The following PTPN21 variants were observed in gnomAD, a reference collection of about 807,000 sequenced individuals.
The protein encoded by PTPN21 is tyrosine-protein phosphatase non-receptor type 21.
In PTPN21, 77 loss-of-function variants were observed where a neutral mutation model predicts 131.8. The observed-to-expected ratio is 0.58, with a 90% confidence interval of 0.49 to 0.71. PTPN21 has a LOEUF of 0.71. Among genes scored for constraint, PTPN21 ranks in the 30% least tolerant of loss-of-function variants. The pLI, the probability that PTPN21 is intolerant of heterozygous loss-of-function variation, is 0.00. For missense variants in PTPN21, 1,552 were observed against 1,527.1 expected (o/e 1.02, Z -0.27); for synonymous variants, 715 against 621.3 (o/e 1.15, Z -2.24).
At chr14:88,513,524 C>A (rs946079976) in intron 3 of PTPN21, 4 of 152,202 alleles carry the variant, frequency 2.6e-5, no homozygotes, top group African/African-American at 9.7e-5. Context: ...AGTATCATAG[C>A]CAGTGAGGTT....
rs753997654 is a variant in PTPN21 at position 88,472,469 on chromosome 14, T to G, written c.2650-4A>C. On this transcript the variant is annotated splice_region_variant and splice_polypyrimidine_tract_variant and intron_variant, in intron 14 of 18. Transcript: ENST00000556564. ...ATCGTTGTTCCAGAATTTTACACTA[T>G]AAAACAGAATATGTGTAATAACATG... The G allele has an allele frequency of 6.4e-7, 1 of 1,556,802 alleles. No individual in the cohort carries two copies. Among genetic ancestry groups the G allele is most frequent in the Non-Finnish European group, 8.9e-7 (1 of 1,128,624 alleles).
rs2078805027 is a variant in PTPN21, at chr14:88,547,801, T to C, written c.180+2437A>G. 4 of 379,038 alleles carry C rather than the reference T, an allele frequency of 1.1e-5. No homozygotes were observed. In the Admixed American group the frequency reaches 1.2e-4, roughly 12 times the overall value. 23.5% of individuals were successfully genotyped at this position (379,038 alleles called of 1,614,324 possible). On this transcript the variant is annotated intron_variant, in intron 2 of 18. Coordinates refer to ENST00000556564, the MANE Select transcript of PTPN21 (RefSeq NM_007039.4). The stretch of plus-strand genomic sequence containing the variant: ...CCATGAGGGGTCTGCGATGTCCTCT[T>C]TTTCTCCCCTGGAGAGCCTCATACC...
intron 15 of PTPN21, among the ~76,000 whole-genome samples, chr14:88,471,305 A>G (rs925177772): frequency 3.3e-5 from 5 of 152,224 alleles, no homozygotes; most frequent in African/African-American, 1.2e-4. Flanking sequence ...CCCAAAATAA[A>G]GAATTGAATG....
chr14:88,530,872 C>T (rs148392090), intron 2 of PTPN21, among the ~76,000 whole-genome samples: 1,929 of 152,206 alleles, frequency 0.013, 30 homozygotes, highest in African/African-American at 0.042. Context: ...CAGCACTAGA[C>T]AGGTCATCAA....
Position 88,507,989 on chromosome 14 carries a change from T to C in PTPN21, c.382A>G (p.Ile128Val), listed in dbSNP as rs1370254840. ...GTACAAGGAATACTTCCTTCCAAGA[T>C]ATCTTTCTTCAGTTGCAGATAATAC... is the stretch of plus-strand genomic sequence containing the variant. Reference protein sequence around the residue: ...YQYYLQLKKDILEGSIPCTLE... With the variant: ...YQYYLQLKKDVLEGSIPCTLE... Residue 128 changes from isoleucine to valine, a missense_variant, in exon 4 of 19, where the codon ATC (isoleucine) becomes GTC (valine). By Grantham distance (29) the Ile-to-Val change is conservative (BLOSUM62 3). Around this residue, in one of 4 missense-constraint regions of PTPN21, gnomAD observed 206 missense variants for 221.6 expected, o/e 0.93. Coordinates refer to ENST00000556564, the MANE Select transcript of PTPN21 (RefSeq NM_007039.4). 3.7e-6 allele frequency: 6 copies of C among 1,606,358 alleles called. No individual in the cohort carries two copies. Among genetic ancestry groups the C allele is most frequent in the African/African-American group, 2.7e-5 (2 of 74,740 alleles).
At chr14:88,504,537 C>A in intron 5 of PTPN21, 42 bp from the exon 6 acceptor site, 1 of 1,506,806 alleles carries the variant, frequency 6.6e-7, no homozygotes, top group Non-Finnish European at 9.2e-7. Flanking sequence ...CAATTCACCC[C>A]AATTTCTTAG....
In PTPN21 at chr14:88,496,415, G is replaced by T. The variant is rs369873448; in HGVS notation, c.930C>A (p.Asn310Lys). 1.2e-6 allele frequency: 2 copies of T among 1,608,138 alleles called. No individual in the cohort carries two copies. Among genetic ancestry groups the T allele is most frequent in the South Asian group, 2.2e-5 (2 of 90,908 alleles). Residue 310 changes from asparagine (N) to lysine (K), a missense_variant and splice_region_variant, in exon 10 of 19, where the codon AAC (asparagine) becomes AAA (lysine). Physicochemically the swap from Asn to Lys is moderately conservative, Grantham distance 94 (BLOSUM62 0). This residue lies in a region of PTPN21 where 1,016 missense variants were observed against 883.5 expected (regional missense o/e 1.15). Coordinates refer to ENST00000556564, the MANE Select transcript of PTPN21 (RefSeq NM_007039.4). ...TTCCATGAGCAGGACATACTTACAG[G>T]TTACACTGGTTTAGTCTGTAAAACT... ...RHKFYRLNQC[N>K]LQTQTVTVNP...
At chr14:88,549,111 T>C (rs1187643272) in intron 2 of PTPN21, among the ~76,000 whole-genome samples, 2 of 152,148 alleles carry the variant, frequency 1.3e-5, no homozygotes, top group Non-Finnish European at 2.9e-5. Context: ...TGTAAGAATA[T>C]AGTCAATGAA....
intron 12 of PTPN21, among the ~76,000 whole-genome samples, chr14:88,482,696 AG>A (rs2077670031): frequency 6.6e-6 from 1 of 152,082 alleles, no homozygotes; most frequent in Non-Finnish European, 1.5e-5. Context: ...AAAAAGCCAC[AG>A]GACAGACCTG....
chr14:88,485,093 G>C lies in PTPN21; in HGVS notation c.1061C>G (p.Pro354Arg). The change falls in exon 12 of 19, where the codon CCA becomes CGA. Residue 354 changes from proline (P) to arginine (R), a missense_variant. Around this residue, in one of 4 missense-constraint regions of PTPN21, gnomAD observed 1,016 missense variants for 883.5 expected, o/e 1.15. Transcript: ENST00000556564. Reference sequence around the variant, plus strand: ...TACTTTACCTTGGGAAGAAGCATATGGTTCTGTATAATGTCCATTATAGTG... The same window carrying C: ...TACTTTACCTTGGGAAGAAGCATATCGTTCTGTATAATGTCCATTATAGTG... ...QLHYNGHYTE[P>R]YASSQDNLFV... 2 of 1,602,546 alleles carry C rather than the reference G, an allele frequency of 1.2e-6. No individual in the cohort carries two copies. The highest frequency in any genetic ancestry group is 1.3e-5 in the African/African-American group (1 of 74,702).
At position 88,466,298 on chromosome 14, in the gene PTPN21, G is replaced by A. The variant is rs1023642338; in HGVS notation, c.*1839C>T. ...AATAAAAATGTAAAATTTTAATTTT[G>A]TTCCTACATGAGAAGTGTGCGTACT... On this transcript the variant is annotated 3_prime_UTR_variant, in exon 19 of 19. Coordinates refer to ENST00000556564, the MANE Select transcript of PTPN21 (RefSeq NM_007039.4). 2 of 152,070 alleles carry A rather than the reference G, an allele frequency of 1.3e-5. No homozygotes were observed. The highest frequency in any genetic ancestry group is 6.5e-5 in the Admixed American group (1 of 15,278). 9.4% of individuals were successfully genotyped at this position (152,070 alleles called of 1,614,324 possible). A position where few individuals can be genotyped will look rare whatever the true frequency, so the allele number is the denominator to read the frequency against.
intron 2 of PTPN21, 77 bp from the exon 3 acceptor site, chr14:88,517,338 G>A: frequency 6.9e-7 from 1 of 1,458,730 alleles, no homozygotes; most frequent in Non-Finnish European, 9.5e-7. Flanking sequence ...ACTAATCCCT[G>A]ACCTGTGACC....
intron 10 of PTPN21, among the ~76,000 whole-genome samples, chr14:88,490,811 G>A (rs1187308644): frequency 6.6e-6 from 1 of 152,162 alleles, no homozygotes; most frequent in African/African-American, 2.4e-5. Context: ...TTCCCTTCTG[G>A]AGAAAGTCTC....
intron 2 of PTPN21, among the ~76,000 whole-genome samples, chr14:88,534,692 G>A (rs973821550): frequency 6.6e-6 from 1 of 151,980 alleles, no homozygotes; most frequent in Admixed American, 6.6e-5. Context: ...TGGCCAACAT[G>A]TTGAAACCCC....
At position 88,479,142 on chromosome 14, in the gene PTPN21, G is replaced by A; in HGVS notation, c.2289C>T (p.His763=). The A allele has an allele frequency of 1.3e-6, 2 of 1,553,002 alleles. No homozygotes were observed. Among genetic ancestry groups the A allele is most frequent in the East Asian group, 2.3e-5 (1 of 43,942 alleles). The change falls in exon 13 of 19, where the codon CAC becomes CAT. Residue 763 remains histidine (H), a synonymous_variant. Coordinates refer to ENST00000556564, the MANE Select transcript of PTPN21 (RefSeq NM_007039.4). The part of the protein sequence containing the change: ...GPLHILEPKA[H]VPDAEKRMMD... Reference sequence around the variant, plus strand: ...TCATCCTCTTCTCCGCGTCTGGGACGTGGGCCTTGGGCTCCAGGATGTGCA... The same window carrying A: ...TCATCCTCTTCTCCGCGTCTGGGACATGGGCCTTGGGCTCCAGGATGTGCA...
At chr14:88,504,576 ACTCT>A in intron 5 of PTPN21, 81 bp from the exon 6 acceptor site, 2 of 1,139,730 alleles carry the variant, frequency 1.8e-6, no homozygotes, top group Non-Finnish European at 2.7e-6. Context: ...ACTGTTAATG[ACTCT>A]CGTCACTATC....
chr14:88,496,557 G>C, intron 9 of PTPN21, 65 bp from the exon 10 acceptor site: 3 of 1,253,310 alleles, frequency 2.4e-6, no homozygotes, highest in Non-Finnish European at 2.3e-6. Context: ...GTTTAATGCA[G>C]AGTTTGTCTA....
In PTPN21 at chr14:88,479,827, C is replaced by G; in HGVS notation, c.1604G>C (p.Gly535Ala). The G allele has an allele frequency of 6.5e-7, 1 of 1,549,522 alleles. No individual in the cohort carries two copies. The highest frequency in any genetic ancestry group is 8.7e-7 in the Non-Finnish European group (1 of 1,153,260). The change falls in exon 13 of 19, where the codon GGC (glycine) becomes GCC (alanine). Residue 535 changes from glycine to alanine, a missense_variant. By Grantham distance (60) the Gly-to-Ala change is moderately conservative. Coordinates refer to ENST00000556564, the MANE Select transcript of PTPN21 (RefSeq NM_007039.4). ...GGTCAGCTCCGGCACGCTGACCGCG[C>G]CCACCACGGGCCGCCGCTCGGCAGG... Reference protein sequence around the residue: ...PYPAERRPVVGAVSVPELTNA... With the variant: ...PYPAERRPVVAAVSVPELTNA...
intron 1 of PTPN21, among the ~76,000 whole-genome samples, chr14:88,553,157 T>C (rs901622370): frequency 6.6e-6 from 1 of 152,192 alleles, no homozygotes; most frequent in Non-Finnish European, 1.5e-5. Flanking sequence ...AGTAAAACTT[T>C]CAATTGTCCC....
Sources: allele counts gnomAD v4.1 joint callset (sites outside exome capture counted in the v4.1 genomes callset), GRCh38; gene constraint gnomAD v4.1.1; regional missense constraint gnomAD v4.1.1; transcripts MANE v1.5; gene names NCBI Gene and HGNC (gene_info 2026-07-23, HGNC 2026-07-21).